ZNF729: variants seen among roughly 807,000 people sequenced by gnomAD.
ZNF729 encodes zinc finger protein 729.
ZNF729 carries 15 observed loss-of-function variants against 12.2 expected under a neutral mutation model. The observed-to-expected ratio is 1.23, with a 90% confidence interval of 0.82 to 1.89. The LOEUF (loss-of-function observed/expected upper bound fraction) is 1.89. Among genes scored for constraint, ZNF729 ranks in the 40% most tolerant of loss-of-function variants. The pLI is 0.00. For missense variants in ZNF729, 1,540 were observed against 1,456.7 expected (o/e 1.06, Z -0.93); for synonymous variants, 492 against 476.3 (o/e 1.03, Z -0.43).
At chr19:22,288,338 C>A (rs1018659801) in intron 1 of ZNF729, among the ~76,000 whole-genome samples, 2 of 147,744 alleles carry the variant, frequency 1.4e-5, no homozygotes, top group African/African-American at 5.0e-5. Flanking sequence ...TCCTCCTAGG[C>A]CCACAGATTT....
intron 1 of ZNF729, among the ~76,000 whole-genome samples, chr19:22,292,851 G>A (rs1305472674): frequency 6.6e-6 from 1 of 152,178 alleles, no homozygotes; most frequent in Non-Finnish European, 1.5e-5. Flanking sequence ...GTGTCTTTAT[G>A]ACAGAATAAT....
chr19:22,289,113 A>G (rs1968119467), intron 1 of ZNF729, among the ~76,000 whole-genome samples: 1 of 152,114 alleles, frequency 6.6e-6, no homozygotes. Context: ...TTTAACTGTG[A>G]ATTGCATTTT....
chr19:22,297,663 A>G (rs187653907), intron 1 of ZNF729, among the ~76,000 whole-genome samples: 1 of 139,994 alleles, frequency 7.1e-6, no homozygotes, highest in Non-Finnish European at 1.5e-5. Context: ...ATATATATAT[A>G]TGGTCTTTAA....
chr19:22,300,780 A>G (rs754245474), intron 1 of ZNF729, among the ~76,000 whole-genome samples: 1 of 152,184 alleles, frequency 6.6e-6, no homozygotes, highest in South Asian at 2.1e-4. Flanking sequence ...TCAGAGTAAC[A>G]TATGTGCATT....
At chr19:22,294,702 G>A (rs1968203154) in intron 1 of ZNF729, among the ~76,000 whole-genome samples, 1 of 145,420 alleles carries the variant, frequency 6.9e-6, no homozygotes, top group Admixed American at 7.0e-5. Flanking sequence ...TGTCACCCAG[G>A]ATGGAGTGCA....
intron 2 of ZNF729, 144 bp from the exon 3 acceptor site, chr19:22,304,544 A>T: frequency 1.3e-6 from 1 of 767,194 alleles, no homozygotes. Flanking sequence ...CAAATTGAAA[A>T]TACTTTCTAA....
intron 1 of ZNF729, among the ~76,000 whole-genome samples, chr19:22,295,402 T>TAA (rs1968216438): frequency 6.7e-6 from 1 of 149,414 alleles, no homozygotes; most frequent in African/African-American, 2.5e-5. Context: ...TTTTTTTTTT[T>TAA]TTTTTGAGAC....
In ZNF729 at chr19:22,314,109, C is replaced by T. The variant is rs1285901059; in HGVS notation, c.692C>T (p.Thr231Ile). 2 of 1,549,286 alleles carry T rather than the reference C, an allele frequency of 1.3e-6. No homozygotes were observed. The highest frequency in any genetic ancestry group is 3.9e-5 in the Admixed American group (2 of 50,786). The change falls in exon 4 of 4, where the codon ACT (threonine) becomes ATT (isoleucine). Residue 231 changes from threonine to isoleucine, a missense_variant. By Grantham distance (89) the Thr-to-Ile change is moderately conservative. Coordinates refer to ENST00000601693, the MANE Select transcript of ZNF729 (RefSeq NM_001242680.2). ...CTTACTAAACATAAGATAATTCATACTGAAGACAAACCTTACAAATATAAG... is the reference window on the plus strand; with the variant it reads ...CTTACTAAACATAAGATAATTCATATTGAAGACAAACCTTACAAATATAAG... The part of the protein sequence containing the change: ...STLTKHKIIH[T>I]EDKPYKYKKC...
intron 1 of ZNF729, 103 bp from the exon 2 acceptor site, chr19:22,303,655 G>GA: frequency 8.8e-7 from 1 of 1,142,750 alleles, no homozygotes; most frequent in Non-Finnish European, 1.2e-6. Flanking sequence ...CTATAAGTTA[G>GA]AATCTGTTCT....
chr19:22,289,808 T>C (rs1230080576), intron 1 of ZNF729, among the ~76,000 whole-genome samples: 2 of 152,202 alleles, frequency 1.3e-5, no homozygotes, highest in South Asian at 2.1e-4. Context: ...TATCCTGTTA[T>C]ATTGCTGTCT....
intron 3 of ZNF729, among the ~76,000 whole-genome samples, chr19:22,306,633 G>A (rs1463289377): frequency 1.3e-5 from 2 of 150,290 alleles, no homozygotes; most frequent in Admixed American, 6.6e-5. Flanking sequence ...CTTGAAAAAC[G>A]GACATTATGT....
intron 3 of ZNF729, among the ~76,000 whole-genome samples, chr19:22,311,351 C>G (rs1006109349): frequency 6.6e-6 from 1 of 152,080 alleles, no homozygotes; most frequent in Non-Finnish European, 1.5e-5. Flanking sequence ...CCTCTTAGCA[C>G]CGCCTTTGCT....
At chr19:22,311,924 A>T (rs1423670425) in intron 3 of ZNF729, among the ~76,000 whole-genome samples, 12 of 151,088 alleles carry the variant, frequency 7.9e-5, no homozygotes, top group African/African-American at 2.9e-4. Flanking sequence ...GTTGTACAAG[A>T]CCTTTTACCA....
chr19:22,309,617 A>G (rs1370742656), intron 3 of ZNF729, among the ~76,000 whole-genome samples: 4 of 151,166 alleles, frequency 2.6e-5, no homozygotes, highest in Admixed American at 6.6e-5. Context: ...GCTTTATAGT[A>G]TAGTTTGAAG....
At chr19:22,309,850 G>A (rs1968429586) in intron 3 of ZNF729, among the ~76,000 whole-genome samples, 1 of 151,682 alleles carries the variant, frequency 6.6e-6, no homozygotes, top group Non-Finnish European at 1.5e-5. Flanking sequence ...CATGGGCTGT[G>A]TTTCCATTTG....
chr19:22,311,889 A>G (rs1968453729), intron 3 of ZNF729, among the ~76,000 whole-genome samples: 1 of 152,088 alleles, frequency 6.6e-6, no homozygotes, highest in Non-Finnish European at 1.5e-5. Flanking sequence ...AGGTGCATGT[A>G]TGTTTAGGAC....
At position 22,315,736 on chromosome 19, in the gene ZNF729, T is replaced by C; in HGVS notation, c.2319T>C (p.Cys773=). 1 of 1,606,794 alleles carries C rather than the reference T, an allele frequency of 6.2e-7. No homozygotes were observed. Among genetic ancestry groups the C allele is most frequent in the Non-Finnish European group, 8.5e-7 (1 of 1,178,168 alleles). Residue 773 remains cysteine (C), a synonymous_variant, in exon 4 of 4, where the codon TGT becomes TGC. Transcript: ENST00000601693. Reference sequence around the variant, plus strand: ...AGAAATTGTACAAATGTGAAGAATGTGTCAAAGCTTTTAACAGTTTCTCAG... The same window carrying C: ...AGAAATTGTACAAATGTGAAGAATGCGTCAAAGCTTTTAACAGTTTCTCAG... ...TREKLYKCEE[C]VKAFNSFSAL... is the part of the protein sequence containing the mutation.
chr19:22,305,642 C>T (rs1968369049), intron 3 of ZNF729, among the ~76,000 whole-genome samples: 1 of 152,066 alleles, frequency 6.6e-6, no homozygotes, highest in Non-Finnish European at 1.5e-5. Context: ...ATAATTATGA[C>T]TGTCTCACCC....
At chr19:22,287,747 T>C (rs1358973368) in intron 1 of ZNF729, among the ~76,000 whole-genome samples, 1 of 151,926 alleles carries the variant, frequency 6.6e-6, no homozygotes, top group Non-Finnish European at 1.5e-5. Flanking sequence ...CCCCCATTCC[T>C]GCAGCCTATC....
Sources: gnomAD v4.1 joint callset for allele counts (sites outside exome capture counted in the v4.1 genomes callset) on GRCh38, gnomAD v4.1.1 for gene constraint, MANE v1.5 for transcripts, NCBI Gene and HGNC (gene_info 2026-07-23, HGNC 2026-07-21) for gene names.